UBE2E1: variants seen among roughly 807,000 people sequenced by gnomAD.
UBE2E1 encodes the protein ubiquitin-conjugating enzyme E2 E1.
Under a neutral mutation model 21.4 loss-of-function variants are expected in UBE2E1, and 6 were observed. The observed-to-expected ratio is 0.28, with a 90% confidence interval of 0.15 to 0.55. UBE2E1 has a LOEUF of 0.55. Ranked by LOEUF, UBE2E1 falls within the 20% of genes least tolerant of loss-of-function variation. The pLI is 0.93. For synonymous variants in UBE2E1, 87 were observed against 82.7 expected, an observed-to-expected ratio of 1.05 and a Z score of -0.28; for missense variants, 142 against 236.5, an observed-to-expected ratio of 0.60 and a Z score of 2.62.
At chr3:23,874,011 T>C (rs1700860961) in intron 3 of UBE2E1, among the ~76,000 whole-genome samples, 1 of 152,238 alleles carries the variant, frequency 6.6e-6, no homozygotes, top group African/African-American at 2.4e-5. Flanking sequence ...AGCAAGTTAT[T>C]GAAGTCTGTT....
At chr3:23,859,606 C>T (rs1334937113) in intron 3 of UBE2E1, among the ~76,000 whole-genome samples, 2 of 152,188 alleles carry the variant, frequency 1.3e-5, no homozygotes, top group African/African-American at 4.8e-5. Context: ...GATTTGAGTC[C>T]AGTCTTTGCC....
chr3:23,860,563 G>A (rs545771531), intron 3 of UBE2E1, among the ~76,000 whole-genome samples: 1 of 152,334 alleles, frequency 6.6e-6, no homozygotes, highest in South Asian at 2.1e-4. Flanking sequence ...CTTACGTGGT[G>A]TTGAATGTGC....
chr3:23,879,390 A>AG, intron 3 of UBE2E1: 1 of 532,750 alleles, frequency 1.9e-6, no homozygotes, highest in Non-Finnish European at 3.7e-6. Flanking sequence ...AGCCTGTATA[A>AG]GACAGTTGTC....
intron 3 of UBE2E1, among the ~76,000 whole-genome samples, chr3:23,841,111 G>A (rs1700075503): frequency 1.3e-5 from 2 of 152,092 alleles, no homozygotes; most frequent in African/African-American, 2.4e-5. Context: ...CATCTATAAT[G>A]ATATTATTTA....
Position 23,806,557 on chromosome 3 carries a change from C to A in UBE2E1, c.-34+469C>A, listed in dbSNP as rs1204493966. 6.6e-6 allele frequency among the ~76,000 whole-genome samples: 1 copy of A among 151,094 alleles called. No homozygotes were observed. The highest frequency in any genetic ancestry group is 1.5e-5 in the Non-Finnish European group (1 of 67,642). ...CCTATCCCCCTACAGGAGTGGCGAT[C>A]GGGCGTGTGCTCCGGACCCCCGCCC... On this transcript the variant is annotated intron_variant, in intron 1 of 5. Transcript: ENST00000306627. This position sits in a 1 kb window ranked among gnomAD's most constrained non-coding sequence, Gnocchi z 6.5.
intron 3 of UBE2E1, among the ~76,000 whole-genome samples, chr3:23,883,488 A>G (rs531563728): frequency 1.3e-5 from 2 of 152,302 alleles, no homozygotes; most frequent in Admixed American, 6.5e-5. Context: ...AACTTTTCCA[A>G]TGAGAACTTA....
Position 23,810,533 on chromosome 3 carries a change from G to C in UBE2E1, c.153-927G>C. On this transcript the variant is annotated intron_variant, in intron 2 of 5. Coordinates refer to ENST00000306627, the MANE Select transcript of UBE2E1 (RefSeq NM_003341.5). This position sits in a 1 kb window ranked among gnomAD's most constrained non-coding sequence, Gnocchi z 5.8. ...AGGACGCCCGGGGAAAAGCAGGTCC[G>C]GGGAGGTGGGCCGAGAGTCCCGGCC... 1 of 1,534,592 alleles carries C rather than the reference G, an allele frequency of 6.5e-7. No homozygotes were observed. Among genetic ancestry groups the C allele is most frequent in the Non-Finnish European group, 8.7e-7 (1 of 1,146,044 alleles).
chr3:23,844,358 C>T (rs547312162), intron 3 of UBE2E1, among the ~76,000 whole-genome samples: 2 of 152,134 alleles, frequency 1.3e-5, no homozygotes, highest in South Asian at 2.1e-4. Context: ...TTCTTTCTTA[C>T]ATTTTTCTAA....
intron 3 of UBE2E1, among the ~76,000 whole-genome samples, chr3:23,869,665 G>T (rs1193425385): frequency 2.0e-5 from 3 of 149,148 alleles, no homozygotes; most frequent in African/African-American, 7.4e-5. Flanking sequence ...GAGGCAGTCG[G>T]AGATTGCTTG....
At chr3:23,828,027 C>T (rs1379868850) in intron 3 of UBE2E1, among the ~76,000 whole-genome samples, 9 of 152,178 alleles carry the variant, frequency 5.9e-5, no homozygotes, top group Non-Finnish European at 1.0e-4. Context: ...CCACACAGCT[C>T]TCATCTGTGT....
chr3:23,845,613 G>GTGTGTA (rs1413363695), intron 3 of UBE2E1, among the ~76,000 whole-genome samples: 4 of 150,944 alleles, frequency 2.6e-5, no homozygotes, highest in African/African-American at 9.7e-5. Flanking sequence ...GTGTGTGTGT[G>GTGTGTA]TGTATGTGTG....
At position 23,807,370 on chromosome 3, in the gene UBE2E1, G is replaced by A; in HGVS notation, c.101G>A (p.Ser34Asn). 6.2e-7 allele frequency: 1 copy of A among 1,613,866 alleles called. No homozygotes were observed. The highest frequency in any genetic ancestry group is 2.2e-5 in the East Asian group (1 of 44,856). ...ACAAACACCCCCAAGAAGAAGGAGA[G>A]TAAAGTCAGCATGAGCAAAAACTCC... ...KETNTPKKKE[S>N]KVSMSKNSKL... is the part of the protein sequence containing the mutation. Residue 34 changes from serine to asparagine, a missense_variant, in exon 2 of 6, where the codon AGT (serine) becomes AAT (asparagine). Ser to Asn is a conservative substitution (Grantham distance 46, BLOSUM62 1). Coordinates refer to ENST00000306627, the MANE Select transcript of UBE2E1 (RefSeq NM_003341.5).
chr3:23,887,664 A>G lies in UBE2E1; in HGVS notation c.301A>G (p.Thr101Ala). The change falls in exon 4 of 6, where the codon ACT becomes GCT. Residue 101 changes from threonine to alanine, a missense_variant. Thr to Ala is a moderately conservative substitution (Grantham distance 58, BLOSUM62 0). This residue lies in a region of UBE2E1 where 87 missense variants were observed against 184.9 expected (regional missense o/e 0.47). Coordinates refer to ENST00000306627, the MANE Select transcript of UBE2E1 (RefSeq NM_003341.5). The surrounding 1 kb of genome is among the most constrained non-coding windows in gnomAD (Gnocchi z 4.4). ...GGGTGGTGTATTCTTTCTCGATATC[A>G]CTTTTACACCAGAATATCCCTTCAA... ...YEGGVFFLDI[T>A]FTPEYPFKPP... The G allele has an allele frequency of 6.2e-7, 1 of 1,613,902 alleles. No homozygotes were observed. Among genetic ancestry groups the G allele is most frequent in the Non-Finnish European group, 8.5e-7 (1 of 1,179,978 alleles).
intron 3 of UBE2E1, among the ~76,000 whole-genome samples, chr3:23,864,061 C>A: frequency 6.6e-6 from 1 of 152,134 alleles, no homozygotes; most frequent in Non-Finnish European, 1.5e-5. Context: ...AAAAAGGATT[C>A]TTGGGAGATA....
intron 4 of UBE2E1, chr3:23,888,141 C>A: frequency 6.7e-6 from 3 of 448,294 alleles, no homozygotes; most frequent in Non-Finnish European, 1.3e-5. Context: ...CAGGGCAGGT[C>A]AGGGGGCCAA....
Position 23,836,746 on chromosome 3 carries a change from A to G in UBE2E1, c.203+25236A>G, listed in dbSNP as rs1282591141. 2.0e-5 allele frequency among the ~76,000 whole-genome samples: 3 copies of G among 151,882 alleles called. No homozygotes were observed. The highest frequency in any genetic ancestry group is 4.4e-5 in the Non-Finnish European group (3 of 67,960). On this transcript the variant is annotated intron_variant, in intron 3 of 5. Transcript: ENST00000306627. This position sits in a 1 kb window ranked among gnomAD's most constrained non-coding sequence, Gnocchi z 4.1. The stretch of plus-strand genomic sequence containing the variant: ...GTCTTCTGATTCTTAACCATTGTAC[A>G]CTCTCTACCGTGTCCCTCAGGGGCA...
intron 3 of UBE2E1, among the ~76,000 whole-genome samples, chr3:23,877,011 A>T (rs147891617): frequency 6.6e-6 from 1 of 152,384 alleles, no homozygotes; most frequent in East Asian, 1.9e-4. Context: ...CAACAGAGTG[A>T]GACACTGTCT....
intron 5 of UBE2E1, 104 bp downstream of exon 5, chr3:23,889,363 T>C (rs889250335): frequency 6.4e-7 from 1 of 1,568,700 alleles, no homozygotes; most frequent in African/African-American, 1.4e-5. Context: ...CACAAGTTTG[T>C]GAATACAAAA....
At chr3:23,826,735 A>T (rs116391612) in intron 3 of UBE2E1, among the ~76,000 whole-genome samples, 2 of 152,146 alleles carry the variant, frequency 1.3e-5, no homozygotes, top group African/African-American at 4.8e-5. Flanking sequence ...GTTTTTTGTT[A>T]TGATAGCTGA....
Sources: allele counts gnomAD v4.1 joint callset (sites outside exome capture counted in the v4.1 genomes callset), GRCh38; gene constraint gnomAD v4.1.1; regional missense constraint gnomAD v4.1.1; non-coding constraint Gnocchi (gnomAD v3.1); transcripts MANE v1.5; gene names NCBI Gene and HGNC (gene_info 2026-07-23, HGNC 2026-07-21).